The following RNASEH1 variants were observed in gnomAD, a reference collection of about 807,000 sequenced individuals.
The protein encoded by RNASEH1 is ribonuclease H type II.
In RNASEH1, 27 loss-of-function variants were observed where a neutral mutation model predicts 34.6. The ratio of observed to expected loss-of-function variants is 0.78; its 90% CI spans 0.58 to 1.08. The LOEUF (loss-of-function observed/expected upper bound fraction) is 1.08. RNASEH1 is among the 50% of genes least tolerant of loss of function. The probability of loss-of-function intolerance (pLI) is 0.00; values close to 1 mark genes in which losing one functional copy is unlikely to be tolerated. For missense variants in RNASEH1, 349 were observed against 373.6 expected, an observed-to-expected ratio of 0.93 and a Z score of 0.54; for synonymous variants, 162 against 138.4, an observed-to-expected ratio of 1.17 and a Z score of -1.20.
At chr2:3,548,551 C>A in intron 6 of RNASEH1, 89 bp downstream of exon 6, 2 of 812,870 alleles carry the variant, frequency 2.5e-6, no homozygotes, top group Non-Finnish European at 4.1e-6. Context: ...CCCCCGTTCC[C>A]ATTTGGGTCC....
chr2:3,555,428 T>G (rs537897412), intron 2 of RNASEH1, among the ~76,000 whole-genome samples: 1 of 152,280 alleles, frequency 6.6e-6, no homozygotes, highest in Admixed American at 6.5e-5. Context: ...GAATCTCCTT[T>G]AAAAGCTATT....
chr2:3,552,504 C>A (rs1196097838), intron 2 of RNASEH1, among the ~76,000 whole-genome samples, 196 bp from the exon 3 acceptor site: 1 of 126,238 alleles, frequency 7.9e-6, no homozygotes, highest in Middle Eastern at 3.5e-3. Flanking sequence ...CCATCTCCAC[C>A]CCCTCCACAC....
chr2:3,547,086 G>C (rs1318355345), intron 7 of RNASEH1, among the ~76,000 whole-genome samples: 1 of 152,200 alleles, frequency 6.6e-6, no homozygotes, highest in African/African-American at 2.4e-5. Flanking sequence ...CCATAGCCTG[G>C]GGTGACAGAG....
chr2:3,540,433 G>C (rs1211330650), downstream of RNASEH1, among the ~76,000 whole-genome samples: 3 of 146,510 alleles, frequency 2.0e-5, no homozygotes, highest in Non-Finnish European at 4.4e-5. Context: ...TTTTGAGACA[G>C]AGTCTCACTC....
At position 3,550,596 on chromosome 2, in the gene RNASEH1, T is replaced by C. The variant is rs377688092; in HGVS notation, c.410-124A>G. 5.5e-6 allele frequency: 4 copies of C among 722,816 alleles called. No individual in the cohort carries two copies. In the African/African-American group the frequency reaches 7.0e-5, roughly 13 times the overall value. The allele number at this position is 722,816 out of a possible 1,614,324, so 44.8% of individuals were successfully genotyped here. A position where few individuals can be genotyped will look rare whatever the true frequency, so the allele number is the denominator to read the frequency against. ...GGGTATTTTACAACGCTGCAGACGT[T>C]TTCTCTCTAGGAAAACATGCTCCAT... On this transcript the variant is annotated intron_variant, in intron 3 of 7. Transcript: ENST00000315212.
intron 1 of RNASEH1, chr2:3,557,829 T>C: frequency 7.4e-7 from 1 of 1,354,460 alleles, no homozygotes; most frequent in Non-Finnish European, 9.9e-7. Context: ...CGTGTCACTT[T>C]TTGTTGCACT....
rs1413240743 is a variant in RNASEH1 at position 3,544,125 on chromosome 2, AC to A, written c.*1659del. On this transcript the variant is annotated 3_prime_UTR_variant, in exon 8 of 8. Transcript: ENST00000315212. ...ATTCCAGCTAATAAAGGCAAGCAAA[AC>A]GACAGAATGAGAATACCACCATTTT... Among the ~76,000 whole-genome samples, 1 of 152,210 alleles carries A rather than the reference AC, an allele frequency of 6.6e-6. No homozygotes were observed. Among genetic ancestry groups the A allele is most frequent in the African/African-American group, 2.4e-5 (1 of 41,444 alleles).
At chr2:3,554,251 T>G (rs751417323) in intron 2 of RNASEH1, among the ~76,000 whole-genome samples, 1 of 152,210 alleles carries the variant, frequency 6.6e-6, no homozygotes, top group Non-Finnish European at 1.5e-5. Flanking sequence ...TCTACTGAAG[T>G]AAATGCAGAT....
chr2:3,532,718 T>C, the RNASEH1 span, among the ~76,000 whole-genome samples: 4 of 151,036 alleles, frequency 2.6e-5, no homozygotes, highest in Admixed American at 6.6e-5. Flanking sequence ...CAGTGCATCA[T>C]TGACAGAAAT....
In RNASEH1 at chr2:3,556,819, T is replaced by C. The variant is rs746354500; in HGVS notation, c.214A>G (p.Arg72Gly). Reference protein sequence around the residue: ...ATEDEAWAFVRKSASPEVSEG... With the variant: ...ATEDEAWAFVGKSASPEVSEG... Reference sequence around the variant, plus strand: ...GAAACTTCCGGGCTTGCAGATTTCCTGACAAAGGCCCAGGCCTCATCCTCT... The same window carrying C: ...GAAACTTCCGGGCTTGCAGATTTCCCGACAAAGGCCCAGGCCTCATCCTCT... The change falls in exon 2 of 8, where the codon AGG becomes GGG. Residue 72 changes from arginine (R) to glycine (G), a missense_variant. Physicochemically the swap from Arg to Gly is moderately radical, Grantham distance 125. This residue lies in a region of RNASEH1 where 256 missense variants were observed against 240.7 expected (regional missense o/e 1.06). Transcript: ENST00000315212. 4.0e-5 allele frequency: 64 copies of C among 1,613,882 alleles called. No homozygotes were observed. Among genetic ancestry groups the C allele is most frequent in the Non-Finnish European group, 5.3e-5 (62 of 1,179,844 alleles).
At chr2:3,555,836 C>T (rs1227562645) in intron 2 of RNASEH1, among the ~76,000 whole-genome samples, 1 of 152,046 alleles carries the variant, frequency 6.6e-6, no homozygotes, top group Non-Finnish European at 1.5e-5. Context: ...TTATATTGGG[C>T]TTTAAACTTT....
intron 2 of RNASEH1, 50 bp downstream of exon 2, chr2:3,556,739 G>T: frequency 8.0e-7 from 1 of 1,254,226 alleles, no homozygotes; most frequent in Non-Finnish European, 1.2e-6. Flanking sequence ...TCTGGCATAT[G>T]AAAGCCTTTG....
chr2:3,548,779 C>T, intron 5 of RNASEH1, 55 bp from the exon 6 acceptor site: 1 of 1,302,364 alleles, frequency 7.7e-7, no homozygotes, highest in Non-Finnish European at 1.1e-6. Context: ...TCTGACATTA[C>T]TAAAGTTCAA....
At chr2:3,555,483 C>A (rs972277366) in intron 2 of RNASEH1, among the ~76,000 whole-genome samples, 2 of 152,210 alleles carry the variant, frequency 1.3e-5, no homozygotes, top group African/African-American at 4.8e-5. Flanking sequence ...AGGGTCGACC[C>A]TGCTTTGCAA....
chr2:3,558,322 G>A lies in RNASEH1; in HGVS notation c.-62C>T, dbSNP rs1204252318. On this transcript the variant is annotated 5_prime_UTR_variant, in exon 1 of 8. Coordinates refer to ENST00000315212, the MANE Select transcript of RNASEH1 (RefSeq NM_002936.6). Reference sequence around the variant, plus strand: ...GGCCCAGCGTGGGCGCGAGCCGCCGGCGCTCAACACCGCACTTCCGTCACC... The same window carrying A: ...GGCCCAGCGTGGGCGCGAGCCGCCGACGCTCAACACCGCACTTCCGTCACC... 9.6e-6 allele frequency: 14 copies of A among 1,465,918 alleles called. No homozygotes were observed. In the South Asian group the frequency reaches 1.2e-4, roughly 13 times the overall value. 90.8% of individuals were successfully genotyped at this position (1,465,918 alleles called of 1,614,324 possible).
intron 3 of RNASEH1, among the ~76,000 whole-genome samples, chr2:3,550,950 G>A (rs985617008): frequency 6.6e-6 from 1 of 152,178 alleles, no homozygotes; most frequent in African/African-American, 2.4e-5. Context: ...TGTGGTTCCC[G>A]TCTTTGCTTC....
At chr2:3,550,122 A>G (rs1669142904) in intron 4 of RNASEH1, 2 of 434,604 alleles carry the variant, frequency 4.6e-6, no homozygotes, top group South Asian at 4.5e-5. Context: ...CATCCTGGGC[A>G]ACAGTGTGAG....
chr2:3,558,052 C>T, intron 1 of RNASEH1, 81 bp downstream of exon 1: 1 of 1,486,074 alleles, frequency 6.7e-7, no homozygotes, highest in Non-Finnish European at 8.9e-7. Flanking sequence ...CGCCAGGCTC[C>T]CGCCGCCGGG....
chr2:3,549,114 T>C lies in RNASEH1; in HGVS notation c.510-2A>G, dbSNP rs1369476721. ...CCAGGAAGTCTAATGCCTACATTTC[T>C]GTTTCAAAACAGTACAAAAGAAAAT... On this transcript the variant is annotated splice_acceptor_variant, in intron 4 of 7. Coordinates refer to ENST00000315212, the MANE Select transcript of RNASEH1 (RefSeq NM_002936.6). LOFTEE classifies it high-confidence loss of function. The C allele has an allele frequency of 1.9e-6, 3 of 1,611,314 alleles. No individual in the cohort carries two copies. The highest frequency in any genetic ancestry group is 1.3e-5 in the African/African-American group (1 of 74,864).
Sources: allele counts gnomAD v4.1 joint callset (sites outside exome capture counted in the v4.1 genomes callset), GRCh38; gene constraint gnomAD v4.1.1; regional missense constraint gnomAD v4.1.1; transcripts MANE v1.5; gene names NCBI Gene and HGNC (gene_info 2026-07-23, HGNC 2026-07-21).